The following ADAMTSL1 variants were observed in gnomAD, a reference collection of about 807,000 sequenced individuals.
ADAMTSL1 encodes the protein ADAMTS like 1, also known as ADAMTS-like protein 1.
A neutral mutation model predicts 201.8 loss-of-function variants in ADAMTSL1; 126 were observed. The observed-to-expected ratio is 0.62, with a 90% CI of 0.54 to 0.72. The LOEUF is 0.72. Ranked by LOEUF, ADAMTSL1 falls within the 30% of genes least tolerant of loss-of-function variation. The pLI is 0.00. For missense variants in ADAMTSL1, 2,679 were observed against 2,277.8 expected, an observed-to-expected ratio of 1.18 and a Z score of -3.59; for synonymous variants, 1,121 against 903.4, an observed-to-expected ratio of 1.24 and a Z score of -4.32.
chr9:18,885,328 C>T (rs1279052674), intron 23 of ADAMTSL1, among the ~76,000 whole-genome samples: 1 of 152,198 alleles, frequency 6.6e-6, no homozygotes, highest in Non-Finnish European at 1.5e-5. Flanking sequence ...GCCTGATCAC[C>T]TCTTACTACT....
chr9:18,662,662 C>T (rs1238845568), intron 9 of ADAMTSL1, among the ~76,000 whole-genome samples: 1 of 152,212 alleles, frequency 6.6e-6, no homozygotes, highest in Non-Finnish European at 1.5e-5. Context: ...AAGCTTTAAA[C>T]AGGCACTTGA....
intron 15 of ADAMTSL1, among the ~76,000 whole-genome samples, chr9:18,728,584 T>C (rs1425229401): frequency 6.6e-6 from 1 of 152,136 alleles, no homozygotes; most frequent in Non-Finnish European, 1.5e-5. Context: ...ATGAAGAAGA[T>C]TTAAAAATAG....
Position 18,199,991 on chromosome 9 carries a change from A to G in ADAMTSL1, c.207+36010A>G, listed in dbSNP as rs1170716967. ...GCTAATTATAGCTTGTCTGATTATAATGAAATGATCTGATGGCTCATAATA... is the reference window on the plus strand; with the variant it reads ...GCTAATTATAGCTTGTCTGATTATAGTGAAATGATCTGATGGCTCATAATA... On this transcript the variant is annotated intron_variant, in intron 2 of 29. Coordinates refer to the ADAMTSL1 transcript ENST00000680146. Among the ~76,000 whole-genome samples the G allele has an allele frequency of 2.0e-5, 3 of 152,080 alleles. No homozygotes were observed. In the East Asian group the frequency reaches 5.8e-4, roughly 29 times the overall value.
At chr9:18,109,754 TA>T (rs1385040770) in intron 1 of ADAMTSL1, among the ~76,000 whole-genome samples, 1 of 152,216 alleles carries the variant, frequency 6.6e-6, no homozygotes, top group Non-Finnish European at 1.5e-5. Context: ...CTTGAATTCT[TA>T]GCTGTCAGCA....
At position 18,115,891 on chromosome 9, in the gene ADAMTSL1, C is replaced by T. The variant is rs545407846; in HGVS notation, c.88-47971C>T. ...ATGTTTCCCTTCATAAAGGAAATAG[C>T]GTTTTCTTTCAAGAGTCTAAACCCA... On this transcript the variant is annotated intron_variant, in intron 1 of 29. Transcript: ENST00000680146. 3.9e-5 allele frequency among the ~76,000 whole-genome samples: 6 copies of T among 152,232 alleles called. No individual in the cohort carries two copies. In the East Asian group the frequency reaches 9.7e-4, roughly 25 times the overall value.
chr9:18,785,087 G>A lies in ADAMTSL1; in HGVS notation c.3677+7181G>A, dbSNP rs376567963. On this transcript the variant is annotated intron_variant, in intron 19 of 28. Coordinates refer to ENST00000380548, the MANE Select transcript of ADAMTSL1 (RefSeq NM_001040272.6). Reference sequence around the variant, plus strand: ...GCTGAGACAGGAGAATCGCTTGAACGCAGGAGGTGGAGGTTGCAGTGAGCT... The same window carrying A: ...GCTGAGACAGGAGAATCGCTTGAACACAGGAGGTGGAGGTTGCAGTGAGCT... 5.7e-4 allele frequency among the ~76,000 whole-genome samples: 86 copies of A among 152,080 alleles called. 1 individual carries two copies. Among genetic ancestry groups the A allele is most frequent in the South Asian group, 4.4e-3 (21 of 4,814 alleles).
chr9:18,473,744 TAC>T (rs1371239482), upstream of ADAMTSL1: 1 of 161,602 alleles, frequency 6.2e-6, no homozygotes, highest in Non-Finnish European at 1.3e-5. Context: ...AATGGAACAA[TAC>T]ACAGTCACAG....
intron 2 of ADAMTSL1, among the ~76,000 whole-genome samples, chr9:18,346,352 G>T (rs1211257314): frequency 6.6e-6 from 1 of 152,110 alleles, no homozygotes; most frequent in Non-Finnish European, 1.5e-5. Flanking sequence ...AGCAGGGTTG[G>T]ATGGTACCCA....
chr9:18,378,030 C>T (rs1040039284), intron 2 of ADAMTSL1, among the ~76,000 whole-genome samples: 3 of 152,126 alleles, frequency 2.0e-5, no homozygotes, highest in African/African-American at 7.2e-5. Context: ...CTTCGATGAG[C>T]CCCCGATGAT....
chr9:18,491,339 T>A (rs550589657), intron 1 of ADAMTSL1, among the ~76,000 whole-genome samples: 122 of 152,350 alleles, frequency 8.0e-4, no homozygotes, highest in African/African-American at 2.9e-3. Context: ...CTATTAACTT[T>A]TCACATTGCT....
intron 1 of ADAMTSL1, among the ~76,000 whole-genome samples, chr9:18,008,321 A>G (rs770847811): frequency 3.9e-5 from 6 of 151,952 alleles, no homozygotes; most frequent in African/African-American, 2.4e-5. Flanking sequence ...AGAGTGATCA[A>G]TATTAACATG....
At chr9:18,061,056 C>T (rs1194905243) in intron 1 of ADAMTSL1, among the ~76,000 whole-genome samples, 2 of 152,118 alleles carry the variant, frequency 1.3e-5, no homozygotes, top group Non-Finnish European at 2.9e-5. Context: ...TTTTACTGTC[C>T]TTGTATCTTA....
intron 1 of ADAMTSL1, among the ~76,000 whole-genome samples, chr9:18,096,863 C>T (rs1451539170): frequency 6.6e-6 from 1 of 152,174 alleles, no homozygotes; most frequent in Non-Finnish European, 1.5e-5. Flanking sequence ...AGCTCTAGAA[C>T]TCATATAAAT....
intron 1 of ADAMTSL1, among the ~76,000 whole-genome samples, chr9:18,031,042 C>T (rs4961621): frequency 6.6e-6 from 1 of 151,900 alleles, no homozygotes; most frequent in Non-Finnish European, 1.5e-5. Context: ...AAAATGGCTA[C>T]GTCATCTTTT....
chr9:18,810,744 G>A (rs190963497), intron 20 of ADAMTSL1, among the ~76,000 whole-genome samples: 15 of 152,128 alleles, frequency 9.9e-5, no homozygotes, highest in Admixed American at 2.6e-4. Flanking sequence ...AGCTGATAAA[G>A]GCCTATTAAA....
chr9:18,122,439 C>G (rs766721369), intron 1 of ADAMTSL1, among the ~76,000 whole-genome samples: 1 of 152,124 alleles, frequency 6.6e-6, no homozygotes, highest in African/African-American at 2.4e-5. Flanking sequence ...GGGCCCAGGA[C>G]TTTTGCTGTT....
chr9:18,727,685 A>G (rs1817971401), intron 15 of ADAMTSL1, among the ~76,000 whole-genome samples: 1 of 152,218 alleles, frequency 6.6e-6, no homozygotes. Flanking sequence ...TATTTTTCCT[A>G]GATATTCTTT....
chr9:18,694,860 G>A (rs991664312), intron 13 of ADAMTSL1, among the ~76,000 whole-genome samples: 4 of 152,192 alleles, frequency 2.6e-5, no homozygotes, highest in African/African-American at 9.6e-5. Context: ...TTCTCCATGA[G>A]GTCTCTGTTC....
At chr9:18,013,906 G>C (rs558715333) in intron 1 of ADAMTSL1, among the ~76,000 whole-genome samples, 1 of 151,946 alleles carries the variant, frequency 6.6e-6, no homozygotes, top group South Asian at 2.1e-4. Context: ...TAAAAGCCAA[G>C]GTTTGAAAGG....
Sources: gnomAD v4.1 joint callset for allele counts (sites outside exome capture counted in the v4.1 genomes callset) on GRCh38, gnomAD v4.1.1 for gene constraint, MANE v1.5 for transcripts, NCBI Gene and HGNC (gene_info 2026-07-23, HGNC 2026-07-21) for gene names.